AGBL4: variants seen among roughly 807,000 people sequenced by gnomAD.
AGBL4 encodes cytosolic carboxypeptidase 6.
AGBL4 carries 58 observed loss-of-function variants against 66.4 expected under a neutral mutation model. That is an observed-to-expected ratio of 0.87 (90% CI 0.71 to 1.09). The LOEUF is 1.09. Ranked by LOEUF, AGBL4 falls within the 50% of genes least tolerant of loss-of-function variation. The pLI is 0.00. For missense variants in AGBL4, 579 were observed against 631.0 expected (o/e 0.92, Z 0.88); for synonymous variants, 234 against 222.9 (o/e 1.05, Z -0.44).
intron 4 of AGBL4, among the ~76,000 whole-genome samples, chr1:49,193,230 C>CT (rs1385950506): frequency 1.6e-4 from 24 of 146,244 alleles, no homozygotes; most frequent in East Asian, 6.0e-4. Flanking sequence ...TTTGTTATTT[C>CT]TTTTTTTTTT....
intron 5 of AGBL4, among the ~76,000 whole-genome samples, chr1:48,873,371 T>C (rs1367098521): frequency 6.6e-6 from 1 of 152,194 alleles, no homozygotes; most frequent in African/African-American, 2.4e-5. Context: ...GCTTGTTATT[T>C]GGCTCTTAAC....
intron 5 of AGBL4, among the ~76,000 whole-genome samples, chr1:48,883,564 C>T (rs895159721): frequency 2.0e-5 from 3 of 152,144 alleles, no homozygotes; most frequent in Admixed American, 6.6e-5. Flanking sequence ...CATTTTTTAC[C>T]GTGCTTGCAT....
chr1:49,411,927 A>G (rs893031886), intron 3 of AGBL4, among the ~76,000 whole-genome samples: 2 of 152,154 alleles, frequency 1.3e-5, no homozygotes, highest in African/African-American at 4.8e-5. Context: ...AATATCAGAA[A>G]TCCAATATAT....
intron 6 of AGBL4, among the ~76,000 whole-genome samples, chr1:48,840,058 T>C (rs924459928): frequency 6.6e-6 from 1 of 152,068 alleles, no homozygotes; most frequent in Non-Finnish European, 1.5e-5. Flanking sequence ...GAGAGAGAAG[T>C]GGAAAGATGA....
In AGBL4 at chr1:48,974,210, G is replaced by A. The variant is rs530879039; in HGVS notation, c.594+71374C>T. ...TCTTAGACTGCAGTGCAGTTCTAAG[G>A]AAAGATAGACAAGGCCAACAGAGAG... On this transcript the variant is annotated intron_variant, in intron 5 of 13. Transcript: ENST00000371839. Among the ~76,000 whole-genome samples the A allele has an allele frequency of 1.8e-3, 268 of 152,236 alleles. 2 individuals are homozygous for A. Among genetic ancestry groups the A allele is most frequent in the African/African-American group, 6.0e-3 (251 of 41,536 alleles).
At chr1:49,365,958 A>C (rs75240319) in intron 3 of AGBL4, among the ~76,000 whole-genome samples, 1 of 152,114 alleles carries the variant, frequency 6.6e-6, no homozygotes, top group Non-Finnish European at 1.5e-5. Flanking sequence ...ATGAGATAAC[A>C]AAAAAAGTAC....
intron 3 of AGBL4, among the ~76,000 whole-genome samples, chr1:49,399,183 C>A (rs1338910176): frequency 6.6e-6 from 1 of 152,104 alleles, no homozygotes; most frequent in Non-Finnish European, 1.5e-5. Context: ...AAGTTTCATT[C>A]TTTTTATGGC....
intron 6 of AGBL4, among the ~76,000 whole-genome samples, chr1:48,847,069 G>A (rs997306198): frequency 6.6e-6 from 1 of 152,154 alleles, no homozygotes; most frequent in South Asian, 2.1e-4. Flanking sequence ...GGGAGGCCGA[G>A]GGGGGTGGAT....
chr1:49,558,323 T>C (rs1571030779), intron 3 of AGBL4, among the ~76,000 whole-genome samples: 1 of 152,200 alleles, frequency 6.6e-6, no homozygotes, highest in African/African-American at 2.4e-5. Flanking sequence ...AGCTGGATTT[T>C]GGGATCCCTG....
intron 2 of AGBL4, among the ~76,000 whole-genome samples, chr1:49,836,461 A>C (rs550237009): frequency 6.6e-6 from 1 of 152,180 alleles, no homozygotes; most frequent in East Asian, 1.9e-4. Context: ...TGATTATTCT[A>C]CTTAGCAATT....
At chr1:49,108,100 G>A (rs916284310) in intron 4 of AGBL4, among the ~76,000 whole-genome samples, 10 of 152,180 alleles carry the variant, frequency 6.6e-5, no homozygotes, top group Admixed American at 6.5e-4. Flanking sequence ...ATTGCTACCA[G>A]GGATCTTCAC....
chr1:48,868,172 A>G (rs536121272), intron 5 of AGBL4, among the ~76,000 whole-genome samples: 50 of 152,334 alleles, frequency 3.3e-4, no homozygotes, highest in Non-Finnish European at 5.1e-4. Context: ...AAGAGGTCCA[A>G]ACAAATTCCA....
intron 4 of AGBL4, among the ~76,000 whole-genome samples, chr1:49,084,419 T>C (rs1401867331): frequency 4.6e-5 from 7 of 152,226 alleles, no homozygotes. Flanking sequence ...GGAGTCCTCA[T>C]GATCATGGCA....
chr1:49,058,804 C>A (rs1001790522), intron 4 of AGBL4, among the ~76,000 whole-genome samples: 1 of 152,166 alleles, frequency 6.6e-6, no homozygotes, highest in Non-Finnish European at 1.5e-5. Context: ...AGATGAGGAA[C>A]TTGTTGGGAA....
At chr1:49,111,518 T>C (rs1645410994) in intron 4 of AGBL4, among the ~76,000 whole-genome samples, 1 of 152,230 alleles carries the variant, frequency 6.6e-6, no homozygotes, top group Non-Finnish European at 1.5e-5. Context: ...TCCTTCTAAA[T>C]ATTCAATCTT....
chr1:49,130,108 T>C (rs1296236009), intron 4 of AGBL4, among the ~76,000 whole-genome samples: 2 of 152,222 alleles, frequency 1.3e-5, no homozygotes, highest in African/African-American at 4.8e-5. Flanking sequence ...TGCATAAATG[T>C]CTTCTTTTGA....
At chr1:48,627,037 T>C (rs1645514375) in intron 9 of AGBL4, among the ~76,000 whole-genome samples, 1 of 152,014 alleles carries the variant, frequency 6.6e-6, no homozygotes, top group Non-Finnish European at 1.5e-5. Context: ...GGGGTATCCT[T>C]TACCCCTCAC....
chr1:49,259,390 G>T (rs1652881620), intron 3 of AGBL4, among the ~76,000 whole-genome samples: 1 of 152,162 alleles, frequency 6.6e-6, no homozygotes, highest in Non-Finnish European at 1.5e-5. Context: ...AGACCCATCA[G>T]TGTGCTGTAT....
chr1:49,586,828 GTTATA>G (rs1409173367), intron 3 of AGBL4, among the ~76,000 whole-genome samples: 1 of 152,048 alleles, frequency 6.6e-6, no homozygotes, highest in Admixed American at 6.6e-5. Flanking sequence ...AAATAATTGA[GTTATA>G]TTAAATTACT....
Sources: allele counts gnomAD v4.1 joint callset (sites outside exome capture counted in the v4.1 genomes callset), GRCh38; gene constraint gnomAD v4.1.1; transcripts MANE v1.5; gene names NCBI Gene and HGNC (gene_info 2026-07-23, HGNC 2026-07-21).